The following BCAS3 variants were observed in gnomAD, a reference collection of about 807,000 sequenced individuals.
The protein encoded by BCAS3 is BCAS3 microtubule associated cell migration factor, also known as BCAS4/BCAS3 fusion.
BCAS3 carries 53 observed loss-of-function variants against 116.1 expected under a neutral mutation model. That is an observed-to-expected ratio of 0.46 (90% confidence interval 0.37 to 0.57). The LOEUF (loss-of-function observed/expected upper bound fraction) is 0.57, where lower values mean the gene tolerates loss of function less well. BCAS3 is among the 20% of genes least tolerant of loss of function. The probability of loss-of-function intolerance (pLI) is 0.00; values close to 1 mark genes in which losing one functional copy is unlikely to be tolerated. For missense variants in BCAS3, 917 were observed against 1,165.4 expected, an observed-to-expected ratio of 0.79 and a Z score of 3.10; for synonymous variants, 391 against 408.2, an observed-to-expected ratio of 0.96 and a Z score of 0.51.
chr17:60,919,445 C>T (rs926360521), intron 12 of BCAS3, among the ~76,000 whole-genome samples: 4 of 152,182 alleles, frequency 2.6e-5, no homozygotes, highest in Non-Finnish European at 5.9e-5. Flanking sequence ...TCTGCTCAGC[C>T]TCCCGAGCAT....
At position 61,139,890 on chromosome 17, in the gene BCAS3, C is replaced by T. The variant is rs1467650036; in HGVS notation, c.2425+55326C>T. 2.6e-5 allele frequency among the ~76,000 whole-genome samples: 4 copies of T among 152,132 alleles called. No individual in the cohort carries two copies. The East Asian group carries it at 7.7e-4, about 29-fold the overall frequency. On this transcript the variant is annotated intron_variant, in intron 22 of 23. Transcript: ENST00000407086. This position sits in a 1 kb window ranked among gnomAD's most constrained non-coding sequence, Gnocchi z 4.7. ...CGTTTGAGCTAGAATTTGAGGAATA[C>T]GTGGAATTTTGGCAGGAGAAGATTG...
At chr17:60,890,285 C>T (rs941567722) in intron 10 of BCAS3, among the ~76,000 whole-genome samples, 10 of 152,062 alleles carry the variant, frequency 6.6e-5, no homozygotes, top group African/African-American at 2.4e-4. Flanking sequence ...GAAACCCCGT[C>T]TCTACTAAAA....
chr17:61,320,118 G>A (rs568832091), intron 22 of BCAS3, among the ~76,000 whole-genome samples: 54 of 151,682 alleles, frequency 3.6e-4, no homozygotes, highest in Non-Finnish European at 5.9e-4. Flanking sequence ...TCGAAGTCCT[G>A]CCCTCAGGTG....
chr17:61,159,768 T>C (rs1342835348), intron 22 of BCAS3, among the ~76,000 whole-genome samples: 1 of 152,218 alleles, frequency 6.6e-6, no homozygotes, highest in East Asian at 1.9e-4. Context: ...ACCTGTAATG[T>C]AACATTCAAG....
At chr17:60,790,901 G>A (rs533353250) in intron 6 of BCAS3, among the ~76,000 whole-genome samples, 3 of 151,788 alleles carry the variant, frequency 2.0e-5, no homozygotes, top group Non-Finnish European at 2.9e-5. Context: ...GCACCACCAC[G>A]CCTGGCTAAT....
chr17:60,690,634 G>A (rs969496219), intron 4 of BCAS3, among the ~76,000 whole-genome samples: 29 of 150,660 alleles, frequency 1.9e-4, no homozygotes, highest in African/African-American at 7.1e-4. Context: ...ATAAAAGGCT[G>A]GATGGGCTGA....
intron 22 of BCAS3, among the ~76,000 whole-genome samples, chr17:61,247,891 A>C (rs78241346): frequency 6.6e-6 from 1 of 152,110 alleles, no homozygotes; most frequent in African/African-American, 2.4e-5. Flanking sequence ...TTCCCTACCC[A>C]CCCATGTAAT....
intron 22 of BCAS3, among the ~76,000 whole-genome samples, chr17:61,312,235 C>T (rs561465056): frequency 6.6e-6 from 1 of 152,270 alleles, no homozygotes; most frequent in East Asian, 1.9e-4. Context: ...TATTTGCTCT[C>T]TGTGGGAGGG....
rs573733685 is a variant in BCAS3 at position 60,866,255 on chromosome 17, G to C, written c.477-2321G>C. Among the ~76,000 whole-genome samples, 58 of 151,948 alleles carry C rather than the reference G, an allele frequency of 3.8e-4. 1 individual carries two copies. On this transcript the variant is annotated intron_variant, in intron 7 of 23. Coordinates refer to ENST00000407086, the MANE Select transcript of BCAS3 (RefSeq NM_017679.5). ...TTCTCCTGTCTCAGCCTCCTGAGTAGCTGGGATTACAGACATGCTTGCACC... is the reference window on the plus strand; with the variant it reads ...TTCTCCTGTCTCAGCCTCCTGAGTACCTGGGATTACAGACATGCTTGCACC...
intron 22 of BCAS3, among the ~76,000 whole-genome samples, chr17:61,195,715 C>T (rs1342302999): frequency 6.6e-6 from 1 of 151,788 alleles, no homozygotes; most frequent in Non-Finnish European, 1.5e-5. Flanking sequence ...CTCTCTCTTT[C>T]TCAGGCTGGA....
intron 6 of BCAS3, among the ~76,000 whole-genome samples, chr17:60,754,680 T>TACACACACACACACAC (rs772900751): frequency 6.9e-6 from 1 of 145,378 alleles, no homozygotes; most frequent in African/African-American, 2.7e-5. Flanking sequence ...AAATTTAAAA[T>TACACACACACACACAC]ACACACACAC....
chr17:61,115,852 C>T (rs1359345168), intron 22 of BCAS3, among the ~76,000 whole-genome samples: 1 of 151,434 alleles, frequency 6.6e-6, no homozygotes, highest in Non-Finnish European at 1.5e-5. Flanking sequence ...AAATGTCCAA[C>T]AATGATAGAC....
chr17:61,178,861 G>A (rs1019192430), intron 22 of BCAS3, among the ~76,000 whole-genome samples: 3 of 152,108 alleles, frequency 2.0e-5, no homozygotes, highest in African/African-American at 7.2e-5. Context: ...TGAAGTTTAC[G>A]TACCCTATAT....
chr17:60,928,280 A>G (rs745841889), intron 13 of BCAS3, among the ~76,000 whole-genome samples: 3 of 152,226 alleles, frequency 2.0e-5, no homozygotes, highest in Non-Finnish European at 2.9e-5. Flanking sequence ...TTCAAAAGGA[A>G]ATCAATTCCA....
intron 23 of BCAS3, among the ~76,000 whole-genome samples, chr17:61,382,491 AC>A (rs2143628981): frequency 6.6e-6 from 1 of 151,330 alleles, no homozygotes; most frequent in East Asian, 2.0e-4. Context: ...CGAACTCCTG[AC>A]CTCAGGTGAT....
intron 14 of BCAS3, among the ~76,000 whole-genome samples, chr17:60,976,441 ATTT>A (rs111599193): frequency 2.2e-4 from 28 of 128,868 alleles, no homozygotes; most frequent in African/African-American, 7.9e-4. Context: ...ATATATATAT[ATTT>A]TTTTTTTAGT....
At chr17:60,897,053 C>T (rs1233550439) in intron 10 of BCAS3, among the ~76,000 whole-genome samples, 1 of 152,130 alleles carries the variant, frequency 6.6e-6, no homozygotes, top group Admixed American at 6.5e-5. Flanking sequence ...TGTCCTTTCA[C>T]TTCCAGGTTT....
At chr17:60,880,563 C>T (rs985935435) in intron 9 of BCAS3, among the ~76,000 whole-genome samples, 1 of 152,220 alleles carries the variant, frequency 6.6e-6, no homozygotes, top group Admixed American at 6.5e-5. Flanking sequence ...CCTGGGATTA[C>T]AGGCGTGAGC....
At chr17:60,935,060 AG>A (rs2059848468) in intron 13 of BCAS3, among the ~76,000 whole-genome samples, 2 of 152,168 alleles carry the variant, frequency 1.3e-5, no homozygotes, top group Non-Finnish European at 2.9e-5. Flanking sequence ...GCTACTTGGG[AG>A]GCTGAGGCGT....
Sources: gnomAD v4.1 joint callset for allele counts (sites outside exome capture counted in the v4.1 genomes callset) on GRCh38, gnomAD v4.1.1 for gene constraint, Gnocchi (gnomAD v3.1) non-coding constraint, MANE v1.5 for transcripts, NCBI Gene and HGNC (gene_info 2026-07-23, HGNC 2026-07-21) for gene names.